Variants in CUX2 observed in about 807,000 individuals in gnomAD.
CUX2 encodes cut like homeobox 2.
Under a neutral mutation model 144.8 loss-of-function variants are expected in CUX2, and 40 were observed. That is an observed-to-expected ratio of 0.28 (90% confidence interval 0.21 to 0.36). CUX2 has a LOEUF of 0.36. Among genes scored for constraint, CUX2 ranks in the 10% least tolerant of loss-of-function variants. The pLI, the probability that CUX2 is intolerant of heterozygous loss-of-function variation, is 1.00. For missense variants in CUX2, 1,615 were observed against 1,994.0 expected, an observed-to-expected ratio of 0.81 and a Z score of 3.62; for synonymous variants, 827 against 875.6, an observed-to-expected ratio of 0.94 and a Z score of 0.98.
chr12:111,311,655 G>A (rs780852995), intron 15 of CUX2, among the ~76,000 whole-genome samples: 47 of 147,948 alleles, frequency 3.2e-4, no homozygotes, highest in Non-Finnish European at 5.3e-4. Flanking sequence ...CTGGAGTGCA[G>A]TGGCACAATC....
chr12:111,107,887 C>T (rs887875948), intron 1 of CUX2, among the ~76,000 whole-genome samples: 4 of 152,118 alleles, frequency 2.6e-5, no homozygotes, highest in African/African-American at 9.7e-5. Flanking sequence ...TCCAGCCTAA[C>T]CACAACACAA....
At chr12:111,185,592 G>A (rs919736851) in intron 1 of CUX2, among the ~76,000 whole-genome samples, 1 of 152,232 alleles carries the variant, frequency 6.6e-6, no homozygotes, top group Non-Finnish European at 1.5e-5. Flanking sequence ...AGAGCCCTTC[G>A]TGGGGGTGTC....
chr12:111,088,942 C>G (rs1486564588), intron 1 of CUX2, among the ~76,000 whole-genome samples: 2 of 152,142 alleles, frequency 1.3e-5, no homozygotes, highest in Non-Finnish European at 2.9e-5. Flanking sequence ...CCTGCCTGCT[C>G]CTGAGTGAGC....
rs1293406176 is a variant in CUX2, at chr12:111,267,661, A to G, written c.301+3822A>G. ...TCTGAAGGCCACAGGCCCAAGATCA[A>G]GGTGTCAACAGGGCTATACTTTCTC... is the stretch of plus-strand genomic sequence containing the variant. On this transcript the variant is annotated intron_variant, in intron 4 of 21. Transcript: ENST00000261726. Among the ~76,000 whole-genome samples, 3 of 152,230 alleles carry G rather than the reference A, an allele frequency of 2.0e-5. No homozygotes were observed. In the East Asian group the frequency reaches 5.8e-4, roughly 29 times the overall value.
At chr12:111,298,724 G>A in intron 9 of CUX2, 135 bp downstream of exon 9, 1 of 1,004,472 alleles carries the variant, frequency 1.0e-6, no homozygotes, top group South Asian at 1.5e-5. Flanking sequence ...CATGCCAAGT[G>A]AGGGAGCCAG....
At chr12:111,285,689 G>A (rs1020440234) in intron 4 of CUX2, among the ~76,000 whole-genome samples, 4 of 152,212 alleles carry the variant, frequency 2.6e-5, no homozygotes, top group African/African-American at 9.6e-5. Context: ...CTTCACCCCA[G>A]TGCCTCCATT....
chr12:111,231,090 A>C (rs978075292), intron 3 of CUX2, among the ~76,000 whole-genome samples: 2 of 152,218 alleles, frequency 1.3e-5, no homozygotes, highest in South Asian at 4.1e-4. Context: ...TTAAGTGTAC[A>C]GTTCAATGAG....
At chr12:111,087,106 GC>G (rs1433030449) in intron 1 of CUX2, among the ~76,000 whole-genome samples, 1 of 152,040 alleles carries the variant, frequency 6.6e-6, no homozygotes, top group Non-Finnish European at 1.5e-5. Flanking sequence ...ACACCTGCAA[GC>G]CCAGCACTCT....
At chr12:111,051,117 T>C (rs1428342724) in intron 1 of CUX2, among the ~76,000 whole-genome samples, 1 of 152,190 alleles carries the variant, frequency 6.6e-6, no homozygotes, top group East Asian at 1.9e-4. Flanking sequence ...TATACAAATA[T>C]TATGTATCAA....
At position 111,322,248 on chromosome 12, in the gene CUX2, G is replaced by A. The variant is rs923818189; in HGVS notation, c.2767-173G>A. On this transcript the variant is annotated intron_variant, in intron 17 of 21. Coordinates refer to ENST00000261726, the MANE Select transcript of CUX2 (RefSeq NM_015267.4). This position sits in a 1 kb window ranked among gnomAD's most constrained non-coding sequence, Gnocchi z 4.2. ...CAGGAGAATCATTTGAACCTGGGAG[G>A]CGGAGTTTGCAGTGAGCTGAGATGG... Among the ~76,000 whole-genome samples, 2 of 151,032 alleles carry A rather than the reference G, an allele frequency of 1.3e-5. No individual in the cohort carries two copies. The highest frequency in any genetic ancestry group is 2.9e-5 in the Non-Finnish European group (2 of 67,840).
At chr12:111,105,917 T>A (rs1873576725) in intron 1 of CUX2, among the ~76,000 whole-genome samples, 1 of 149,792 alleles carries the variant, frequency 6.7e-6, no homozygotes, top group African/African-American at 2.5e-5. Context: ...CAGGTTGGAG[T>A]GCAGTGCCAT....
intron 1 of CUX2, among the ~76,000 whole-genome samples, chr12:111,169,892 A>G: frequency 6.6e-6 from 1 of 150,848 alleles, no homozygotes; most frequent in South Asian, 2.2e-4. Context: ...TCCAGAGGGC[A>G]TGAGGGTGGC....
intron 4 of CUX2, among the ~76,000 whole-genome samples, chr12:111,280,212 C>A (rs955041754): frequency 6.6e-6 from 1 of 152,146 alleles, no homozygotes; most frequent in Non-Finnish European, 1.5e-5. Flanking sequence ...TCGCTTGAAC[C>A]CGGGAGACGG....
In CUX2 at chr12:111,334,506, T is replaced by A; in HGVS notation, c.2992T>A (p.Ser998Thr). The A allele has an allele frequency of 6.2e-7, 1 of 1,607,460 alleles. No individual in the cohort carries two copies. Residue 998 changes from serine (S) to threonine (T), a missense_variant, in exon 19 of 22, where the codon TCC becomes ACC. Ser to Thr is a moderately conservative substitution (Grantham distance 58). Coordinates refer to ENST00000261726, the MANE Select transcript of CUX2 (RefSeq NM_015267.4). ...CAGCCCCACAGAGCCTGAGAAGAGCTCCCAGGAGCCGTTGAGCCTGTCCCT... is the reference window on the plus strand; with the variant it reads ...CAGCCCCACAGAGCCTGAGAAGAGCACCCAGGAGCCGTTGAGCCTGTCCCT... ...PPSPTEPEKS[S>T]QEPLSLSLES...
chr12:111,212,670 G>A (rs1351698917), intron 1 of CUX2, among the ~76,000 whole-genome samples: 2 of 152,186 alleles, frequency 1.3e-5, no homozygotes, highest in African/African-American at 2.4e-5. Context: ...AAGCTACTTT[G>A]GTGCCTCTAC....
rs536528984 is a variant in CUX2, at chr12:111,053,880, C to T, written c.63+19640C>T. 6.6e-5 allele frequency among the ~76,000 whole-genome samples: 10 copies of T among 152,288 alleles called. No individual in the cohort carries two copies. The East Asian group carries it at 9.7e-4, about 15-fold the overall frequency. On this transcript the variant is annotated intron_variant, in intron 1 of 21. Coordinates refer to ENST00000261726, the MANE Select transcript of CUX2 (RefSeq NM_015267.4). ...TACCTTTTAAAAACTCAGAGCTGGG[C>T]GCAGTGGCTCACGCCTGTAATCCTA...
intron 1 of CUX2, among the ~76,000 whole-genome samples, chr12:111,191,555 A>G (rs1227951923): frequency 6.6e-6 from 1 of 152,034 alleles, no homozygotes; most frequent in Non-Finnish European, 1.5e-5. Flanking sequence ...GCAGAACCTG[A>G]CCTCAAGTGA....
rs1257842256 is a variant in CUX2, at chr12:111,037,434, C to T, written c.63+3194C>T. On this transcript the variant is annotated intron_variant, in intron 1 of 21. Transcript: ENST00000261726. The surrounding 1 kb of genome is among the most constrained non-coding windows in gnomAD (Gnocchi z 5.4). ...GCGTTCCAGTTATTATTCCTTCCAG[C>T]GCCGTCTCTGTACACAGCAGGGCTG... Among the ~76,000 whole-genome samples, 3 of 152,346 alleles carry T rather than the reference C, an allele frequency of 2.0e-5. No individual in the cohort carries two copies. Among genetic ancestry groups the T allele is most frequent in the African/African-American group, 4.8e-5 (2 of 41,588 alleles).
chr12:111,216,087 C>T (rs922620290), intron 2 of CUX2, among the ~76,000 whole-genome samples: 1 of 152,210 alleles, frequency 6.6e-6, no homozygotes, highest in Non-Finnish European at 1.5e-5. Context: ...CTGTGCTCGG[C>T]GTCCCCCAGC....
Sources: gnomAD v4.1 joint callset for allele counts (sites outside exome capture counted in the v4.1 genomes callset) on GRCh38, gnomAD v4.1.1 for gene constraint, Gnocchi (gnomAD v3.1) non-coding constraint, MANE v1.5 for transcripts, NCBI Gene and HGNC (gene_info 2026-07-23, HGNC 2026-07-21) for gene names.